ITGA10: variants seen among roughly 807,000 people sequenced by gnomAD.
ITGA10 encodes the protein integrin subunit alpha 10.
In ITGA10, 105 loss-of-function variants were observed where a neutral mutation model predicts 145.2. That is an observed-to-expected ratio of 0.72 (90% CI 0.62 to 0.85). ITGA10 has a LOEUF of 0.85. Among genes scored for constraint, ITGA10 ranks in the 40% least tolerant of loss-of-function variants. The pLI is 0.00. For synonymous variants in ITGA10, 506 were observed against 557.8 expected, an observed-to-expected ratio of 0.91 and a Z score of 1.31; for missense variants, 1,317 against 1,444.5, an observed-to-expected ratio of 0.91 and a Z score of 1.43.
rs868958351 is a variant in ITGA10 at position 145,895,294 on chromosome 1, C to A, written c.3214G>T (p.Glu1072Ter). 1.2e-6 allele frequency: 2 copies of A among 1,613,436 alleles called. No homozygotes were observed. Among genetic ancestry groups the A allele is most frequent in the Non-Finnish European group, 1.7e-6 (2 of 1,179,464 alleles). The stretch of plus-strand genomic sequence containing the variant: ...GAAAGGCTTACTCTTCGGAAAAATT[C>A]ATTGTGAACCAGCCTCAATAGTCCA... ...SVGLLRLVHN[E>*]FFRRAKFKSL... The change falls in exon 27 of 30, where the codon GAA becomes TAA. Residue 1072 changes from glutamate (E) to a stop codon, truncating the protein, a stop_gained. Coordinates refer to ENST00000369304, the MANE Select transcript of ITGA10 (RefSeq NM_003637.5). LOFTEE classifies it high-confidence loss of function.
intron 5 of ITGA10, among the ~76,000 whole-genome samples, chr1:145,905,165 T>C (rs1380238478): frequency 6.6e-6 from 1 of 152,020 alleles, no homozygotes; most frequent in Non-Finnish European, 1.5e-5. Context: ...AATGACTGTA[T>C]GGTGGGGGAA....
intron 14 of ITGA10, 79 bp from the exon 15 acceptor site, chr1:145,900,266 T>C: frequency 1.5e-6 from 2 of 1,353,426 alleles, no homozygotes; most frequent in Admixed American, 2.4e-5. Context: ...TCTTTCTTTT[T>C]ATTTATTTAT....
chr1:145,902,566 TTCTC>T lies in ITGA10; in HGVS notation c.959_962del (p.Arg320LysfsTer23), dbSNP rs1559206250. ...CTGGATCACTGGCAATAGTTCTAAT[TTCTC>T]TCAGGAAAGAGCTGGGATCTCGCTG... On this transcript the variant is annotated frameshift_variant, in exon 9 of 30. Coordinates refer to ENST00000369304, the MANE Select transcript of ITGA10 (RefSeq NM_003637.5). LOFTEE classifies it high-confidence loss of function. The T allele has an allele frequency of 6.2e-7, 1 of 1,613,668 alleles. No homozygotes were observed.
rs587637001 is a variant in ITGA10 at position 145,895,211 on chromosome 1, C to T, written c.3228+69G>A. On this transcript the variant is annotated intron_variant, in intron 27 of 29. Transcript: ENST00000369304. ...TGAAACTTGAACGTGGGTCTGTCTA[C>T]CTCCAAAACCTATGCTAAAGTTCCA... 4.8e-5 allele frequency: 56 copies of T among 1,158,086 alleles called. No individual in the cohort carries two copies. In the Middle Eastern group the frequency reaches 1.2e-3, roughly 24 times the overall value. 71.7% of individuals were successfully genotyped at this position (1,158,086 alleles called of 1,614,324 possible). A position where few individuals can be genotyped will look rare whatever the true frequency, so the allele number is the denominator to read the frequency against.
intron 5 of ITGA10, 70 bp from the exon 6 acceptor site, chr1:145,904,881 G>T: frequency 6.6e-7 from 1 of 1,520,146 alleles, no homozygotes. Flanking sequence ...GGTCACAGGA[G>T]GACACATTCA....
rs56240846 is a variant in ITGA10 at position 145,895,615 on chromosome 1, C to G, written c.3114+16G>C. The G allele has an allele frequency of 0.022, 36,231 of 1,612,962 alleles. 501 individuals carry two copies. Among genetic ancestry groups the G allele is most frequent in the Non-Finnish European group, 0.026 (30,949 of 1,178,996 alleles). ...CACTTGCATTCCCACTCTGGACACC[C>G]CTTTGTGACTCATACCAGTCTGTTT... On this transcript the variant is annotated intron_variant, in intron 26 of 29. Transcript: ENST00000369304.
At chr1:145,907,559 T>C (rs1657331348) in intron 1 of ITGA10, 94 bp from the exon 2 acceptor site, 2 of 1,555,266 alleles carry the variant, frequency 1.3e-6, no homozygotes, top group Non-Finnish European at 1.7e-6. Flanking sequence ...AATCTCAGTC[T>C]GCCTGCCTGC....
rs782370848 is a variant in ITGA10, at chr1:145,896,880, G to T, written c.2745-22C>A. 2.1e-5 allele frequency: 34 copies of T among 1,591,668 alleles called. No individual in the cohort carries two copies. In the African/African-American group the frequency reaches 3.9e-4, roughly 18 times the overall value. On this transcript the variant is annotated intron_variant, in intron 22 of 29. Coordinates refer to ENST00000369304, the MANE Select transcript of ITGA10 (RefSeq NM_003637.5). Reference sequence around the variant, plus strand: ...GTCACTGTAGGGTCAGAGGGGAGAGGCTCACATCTCAACCCCTCCTCAGAA... The same window carrying T: ...GTCACTGTAGGGTCAGAGGGGAGAGTCTCACATCTCAACCCCTCCTCAGAA...
rs373745789 is a variant in ITGA10, at chr1:145,901,629, G to A, written c.1330C>T (p.Arg444Cys). ...GGAGCCCCAGAGAGAAACAGGCGGC[G>A]TCCACCCCGCAAAAGCATGGAAGAA... ...SVSSMLLRGG[R>C]RLFLSGAPRF... Residue 444 changes from arginine (R) to cysteine (C), a missense_variant, in exon 12 of 30, where the codon CGC becomes TGC. Arg to Cys is a radical substitution (Grantham distance 180, BLOSUM62 -3). Transcript: ENST00000369304. The surrounding 1 kb of genome is among the most constrained non-coding windows in gnomAD (Gnocchi z 4.3). 1.1e-5 allele frequency: 18 copies of A among 1,589,308 alleles called. No homozygotes were observed. Among genetic ancestry groups the A allele is most frequent in the African/African-American group, 9.5e-5 (7 of 73,478 alleles).
At chr1:145,892,912 C>G in intron 29 of ITGA10, 49 bp from the exon 30 acceptor site, 6 of 1,429,408 alleles carry the variant, frequency 4.2e-6, no homozygotes, top group Admixed American at 1.7e-5. Context: ...GACTGGGAAC[C>G]TTGCCAGTAG....
In ITGA10 at chr1:145,899,046, T is replaced by C; in HGVS notation, c.2122A>G (p.Thr708Ala). 4 of 1,614,168 alleles carry C rather than the reference T, an allele frequency of 2.5e-6. No homozygotes were observed. Among genetic ancestry groups the C allele is most frequent in the Admixed American group, 1.7e-5 (1 of 60,016 alleles). Residue 708 changes from threonine (T) to alanine (A), a missense_variant, in exon 17 of 30, where the codon ACT (threonine) becomes GCT (alanine). Transcript: ENST00000369304. The stretch of plus-strand genomic sequence containing the variant: ...TCAAATGCTGCACGTGCCCCAGCAG[T>C]CCATTCATCCAGTGATGCGGTGAAC... ...MRFTASLDEWTAGARAAFDGS... is the reference protein window; with the variant it reads ...MRFTASLDEWAAGARAAFDGS...
rs782262690 is a variant in ITGA10 at position 145,896,335 on chromosome 1, C to T, written c.2852G>A (p.Arg951His). The change falls in exon 24 of 30, where the codon CGC becomes CAC. Residue 951 changes from arginine (R) to histidine (H), a missense_variant. Transcript: ENST00000369304. ...LLFSSESTLH[R>H]YEVHPYGTLP... is the part of the protein sequence containing the mutation. ...GGTCCCATATGGGTGAACCTCATAG[C>T]GGTGCAGGGTAGACTCACTGTGTGA... 16 of 1,613,716 alleles carry T rather than the reference C, an allele frequency of 9.9e-6. No homozygotes were observed. In the Admixed American group the frequency reaches 1.0e-4, roughly 10 times the overall value.
In ITGA10 at chr1:145,897,292, G is replaced by A. The variant is rs1655555390; in HGVS notation, c.2622C>T (p.Ala874=). ...KVECAAPSAH[A]RLCSVGHPVF... ...CAGGATGCCCCACACTGCAGAGCCG[G>A]GCATGAGCAGAAGGGGCGGCACATT... The change falls in exon 21 of 30, where the codon GCC becomes GCT. Residue 874 remains alanine, a synonymous_variant. Transcript: ENST00000369304. The A allele has an allele frequency of 1.4e-5, 22 of 1,614,126 alleles. No individual in the cohort carries two copies. Among genetic ancestry groups the A allele is most frequent in the Non-Finnish European group, 1.7e-5 (20 of 1,180,024 alleles).
chr1:145,898,360 A>AATTT (rs200181237), intron 17 of ITGA10, 137 bp from the exon 18 acceptor site: 18 of 354,542 alleles, frequency 5.1e-5, no homozygotes, highest in African/African-American at 1.3e-4. Context: ...TTAATTAGTT[A>AATTT]ATTTATTTAT....
At chr1:145,897,424 T>G in intron 20 of ITGA10, 85 bp from the exon 21 acceptor site, 1 of 1,596,592 alleles carries the variant, frequency 6.3e-7, no homozygotes, top group Admixed American at 1.7e-5. Flanking sequence ...TGAGCCTTTC[T>G]CTAGAGGACC....
intron 3 of ITGA10, 61 bp from the exon 4 acceptor site, chr1:145,906,885 C>T (rs1276847787): frequency 7.6e-7 from 1 of 1,321,548 alleles, no homozygotes; most frequent in Non-Finnish European, 1.1e-6. Context: ...TGCTTGAATT[C>T]ATGTGATTTT....
chr1:145,892,884 G>A (rs587700366), intron 29 of ITGA10, 21 bp from the exon 30 acceptor site: 11 of 1,602,692 alleles, frequency 6.9e-6, no homozygotes, highest in Admixed American at 3.3e-5. Flanking sequence ...AAAGATAAGC[G>A]TCACTGCCAA....
At chr1:145,898,813 G>T in intron 17 of ITGA10, 123 bp downstream of exon 17, 1 of 1,216,054 alleles carries the variant, frequency 8.2e-7, no homozygotes, top group African/African-American at 1.5e-5. Context: ...TGACTCCAAA[G>T]TCTGAATCAT....
chr1:145,896,296 G>A lies in ITGA10; in HGVS notation c.2891C>T (p.Pro964Leu). ...GAGAGTGGTTTTGAATTCTGGGCCA[G>A]GACCCACTGGGAGGGTCCCATATGG... ...VHPYGTLPVG[P>L]GPEFKTTLRV... The change falls in exon 24 of 30, where the codon CCT (proline) becomes CTT (leucine). Residue 964 changes from proline (P) to leucine (L), a missense_variant. Physicochemically the swap from Pro to Leu is moderately conservative, Grantham distance 98. Transcript: ENST00000369304. 6.2e-7 allele frequency: 1 copy of A among 1,614,044 alleles called. No individual in the cohort carries two copies. Among genetic ancestry groups the A allele is most frequent in the Non-Finnish European group, 8.5e-7 (1 of 1,179,900 alleles).
Sources: allele counts gnomAD v4.1 joint callset (sites outside exome capture counted in the v4.1 genomes callset), GRCh38; gene constraint gnomAD v4.1.1; non-coding constraint Gnocchi (gnomAD v3.1); transcripts MANE v1.5; gene names NCBI Gene and HGNC (gene_info 2026-07-23, HGNC 2026-07-21).